Variants in OTUD7A observed in about 807,000 individuals in gnomAD.
OTUD7A encodes the protein OTU deubiquitinase 7A, also known as OTU domain-containing protein 7A.
A neutral mutation model predicts 65.7 loss-of-function variants in OTUD7A; 12 were observed. That is an observed-to-expected ratio of 0.18 (90% CI 0.12 to 0.30). The LOEUF (loss-of-function observed/expected upper bound fraction) is 0.30, where lower values mean the gene tolerates loss of function less well. Ranked by LOEUF, OTUD7A falls within the 10% of genes least tolerant of loss-of-function variation. The pLI is 1.00. For synonymous variants in OTUD7A, 641 were observed against 586.3 expected, an observed-to-expected ratio of 1.09 and a Z score of -1.35; for missense variants, 1,148 against 1,304.8, an observed-to-expected ratio of 0.88 and a Z score of 1.85.
In OTUD7A at chr15:31,484,347, A is replaced by C; in HGVS notation, c.1749T>G (p.Gly583=). The change falls in exon 13 of 13, where the codon GGT becomes GGG. Residue 583 remains glycine (G), a synonymous_variant. Transcript: ENST00000307050. This position sits in a 1 kb window ranked among gnomAD's most constrained non-coding sequence, Gnocchi z 4.5. ...CCGACGGCGACGTGCTGGCCGACGC[A>C]CCAGACTCCTCCTTGCTGCCCTTGC... ...KSRKGSKEES[G]ASASTSPSEK... 6.2e-7 allele frequency: 1 copy of C among 1,601,014 alleles called. No individual in the cohort carries two copies. The highest frequency in any genetic ancestry group is 8.5e-7 in the Non-Finnish European group (1 of 1,179,536).
At chr15:31,628,765 T>C (rs976739640) in intron 3 of OTUD7A, among the ~76,000 whole-genome samples, 36 of 152,304 alleles carry the variant, frequency 2.4e-4, no homozygotes, top group African/African-American at 8.4e-4. Context: ...CTCTTTAATT[T>C]CATTGAGCAG....
intron 5 of OTUD7A, among the ~76,000 whole-genome samples, chr15:31,536,423 T>C (rs1437094581): frequency 2.0e-5 from 3 of 152,248 alleles, no homozygotes; most frequent in Non-Finnish European, 4.4e-5. Flanking sequence ...GGATGAAATA[T>C]AACATGCACC....
At chr15:31,704,678 C>T (rs1893288355) in intron 1 of OTUD7A, among the ~76,000 whole-genome samples, 1 of 151,892 alleles carries the variant, frequency 6.6e-6, no homozygotes, top group African/African-American at 2.4e-5. Context: ...AGTGTTCCCC[C>T]TCAAAAACAT....
chr15:31,570,850 GGGGA>G (rs1051737154), intron 3 of OTUD7A, among the ~76,000 whole-genome samples: 2 of 152,186 alleles, frequency 1.3e-5, no homozygotes, highest in African/African-American at 4.8e-5. Flanking sequence ...CAGCTACACT[GGGGA>G]GTTGGAGGCA....
At chr15:31,721,242 G>C in intron 1 of OTUD7A, among the ~76,000 whole-genome samples, 1 of 152,386 alleles carries the variant, frequency 6.6e-6, no homozygotes, top group East Asian at 1.9e-4. Flanking sequence ...CGCAGTGTGT[G>C]TGTACATGAA....
chr15:31,856,903 G>C (rs1181379079), intron 1 of OTUD7A, among the ~76,000 whole-genome samples: 1 of 152,226 alleles, frequency 6.6e-6, no homozygotes, highest in Admixed American at 6.5e-5. Flanking sequence ...GTTGGACAGA[G>C]CGCTGTCACT....
chr15:31,744,956 C>T (rs982328583), intron 1 of OTUD7A, among the ~76,000 whole-genome samples: 10 of 151,948 alleles, frequency 6.6e-5, no homozygotes, highest in African/African-American at 2.4e-4. Context: ...TTTATAATGG[C>T]TTTGAAAAAA....
intron 1 of OTUD7A, among the ~76,000 whole-genome samples, chr15:31,696,127 T>G: frequency 1.4e-5 from 2 of 145,950 alleles, no homozygotes; most frequent in African/African-American, 2.5e-5. Context: ...TGGGTGTGAG[T>G]GACAGGGCAC....
intron 1 of OTUD7A, among the ~76,000 whole-genome samples, chr15:31,737,731 AG>A (rs2141368993): frequency 6.6e-6 from 1 of 152,360 alleles, no homozygotes; most frequent in East Asian, 1.9e-4. Context: ...GCTTCTCAGC[AG>A]GAAATAACTG....
intron 1 of OTUD7A, among the ~76,000 whole-genome samples, chr15:31,682,089 G>C (rs1892731152): frequency 6.6e-6 from 1 of 152,166 alleles, no homozygotes. Flanking sequence ...AAAGTGGAGG[G>C]CTGAGCTCCA....
intron 1 of OTUD7A, among the ~76,000 whole-genome samples, chr15:31,687,461 G>A (rs1349660929): frequency 1.3e-5 from 2 of 152,210 alleles, no homozygotes; most frequent in African/African-American, 4.8e-5. Context: ...TCTTGTGTCT[G>A]ATAATAATTA....
At chr15:31,701,313 C>T (rs1893208546) in intron 1 of OTUD7A, among the ~76,000 whole-genome samples, 1 of 151,272 alleles carries the variant, frequency 6.6e-6, no homozygotes, top group South Asian at 2.1e-4. Flanking sequence ...AAAGTGTTAA[C>T]ATTTGGAAAA....
At chr15:31,692,897 T>C (rs2654093) in intron 1 of OTUD7A, among the ~76,000 whole-genome samples, 10,826 of 131,162 alleles carry the variant, frequency 0.083, 926 homozygotes, top group African/African-American at 0.25. Context: ...AGGATGCCCA[T>C]CCCCACCACT....
At chr15:31,850,051 C>T (rs1368836576) in intron 1 of OTUD7A, among the ~76,000 whole-genome samples, 1 of 151,926 alleles carries the variant, frequency 6.6e-6, no homozygotes, top group Non-Finnish European at 1.5e-5. Flanking sequence ...CCCAGCGATC[C>T]CATTACTGCG....
chr15:31,486,426 C>G (rs760969471), intron 12 of OTUD7A, among the ~76,000 whole-genome samples: 15 of 152,256 alleles, frequency 9.9e-5, no homozygotes, highest in Non-Finnish European at 2.1e-4. Context: ...TTGACTCATG[C>G]CACTCCTTTA....
At chr15:31,536,565 C>T (rs1208977721) in intron 5 of OTUD7A, among the ~76,000 whole-genome samples, 1 of 152,150 alleles carries the variant, frequency 6.6e-6, no homozygotes, top group Non-Finnish European at 1.5e-5. Flanking sequence ...AGGATTTGAA[C>T]AACTGAAGAA....
At position 31,685,372 on chromosome 15, in the gene OTUD7A, G is replaced by A. The variant is rs138347421; in HGVS notation, c.-99-28295C>T. ...TAAAAATCCCAGTTACTGGCTGGGT[G>A]CGGTGGCTCACGCCTGTCATCCCAG... On this transcript the variant is annotated intron_variant, in intron 1 of 12. Transcript: ENST00000307050. Among the ~76,000 whole-genome samples the A allele has an allele frequency of 3.0e-3, 459 of 152,296 alleles. 2 individuals are homozygous for A. Among genetic ancestry groups the A allele is most frequent in the African/African-American group, 0.01 (433 of 41,566 alleles).
chr15:31,749,021 C>A (rs538507086), intron 1 of OTUD7A, among the ~76,000 whole-genome samples: 196 of 151,488 alleles, frequency 1.3e-3, no homozygotes, highest in African/African-American at 4.5e-3. Context: ...CATCATTCTC[C>A]GCAAACTATC....
intron 3 of OTUD7A, among the ~76,000 whole-genome samples, chr15:31,632,900 C>T (rs556445908): frequency 1.3e-5 from 2 of 152,310 alleles, no homozygotes; most frequent in African/African-American, 4.8e-5. Flanking sequence ...AGGGAGACTC[C>T]GTGGGCGTAG....
Sources: gnomAD v4.1 joint callset for allele counts (sites outside exome capture counted in the v4.1 genomes callset) on GRCh38, gnomAD v4.1.1 for gene constraint, Gnocchi (gnomAD v3.1) non-coding constraint, MANE v1.5 for transcripts, NCBI Gene and HGNC (gene_info 2026-07-23, HGNC 2026-07-21) for gene names.